Variants in MDM2 observed in about 807,000 individuals in gnomAD.
The protein encoded by MDM2 is E3 ubiquitin-protein ligase Mdm2.
A neutral mutation model predicts 64.3 loss-of-function variants in MDM2; 11 were observed. That is an observed-to-expected ratio of 0.17 (90% CI 0.11 to 0.28). The LOEUF (loss-of-function observed/expected upper bound fraction) is 0.28. Ranked by LOEUF, MDM2 falls within the 10% of genes least tolerant of loss-of-function variation. MDM2 has a pLI of 1.00. For missense variants in MDM2, 388 were observed against 577.1 expected (o/e 0.67, Z 3.36); for synonymous variants, 194 against 192.9 (o/e 1.01, Z -0.05).
At chr12:68,838,130 A>C (rs1030741813) in intron 10 of MDM2, among the ~76,000 whole-genome samples, 4 of 150,928 alleles carry the variant, frequency 2.7e-5, no homozygotes, top group African/African-American at 9.8e-5. Context: ...GCTGTGAAAA[A>C]CCCCCTTCTA....
At chr12:68,848,624 C>T (rs1884490236), downstream of MDM2, 1 of 152,146 alleles carries the variant, frequency 6.6e-6, no homozygotes, top group Non-Finnish European at 1.5e-5. Flanking sequence ...AAAAATTGCT[C>T]CCTACAAAAA....
Position 68,809,269 on chromosome 12 carries a change from C to T in MDM2, c.76C>T (p.Pro26Ser). The change falls in exon 2 of 11, where the codon CCA becomes TCA. Residue 26 changes from proline (P) to serine (S), a missense_variant. Pro to Ser is a moderately conservative substitution (Grantham distance 74). This residue lies in a region of MDM2 where 46 missense variants were observed against 45.2 expected (regional missense o/e 1.02). Transcript: ENST00000258149. ...TDGAVTTSQI[P>S]ASEQETLVRP... The stretch of plus-strand genomic sequence containing the variant: ...TGGTGCTGTAACCACCTCACAGATT[C>T]CAGCTTCGGAACAAGAGACCCTGGT... 1.2e-6 allele frequency: 2 copies of T among 1,614,104 alleles called. No homozygotes were observed. The highest frequency in any genetic ancestry group is 1.6e-4 in the Middle Eastern group (1 of 6,062).
At chr12:68,836,871 C>T in intron 10 of MDM2, 122 bp downstream of exon 10, 2 of 606,022 alleles carry the variant, frequency 3.3e-6, no homozygotes, top group South Asian at 2.2e-5. Context: ...TTTGTAAAGT[C>T]TGAATAATTT....
At chr12:68,822,535 TGTA>T (rs1881946976) in intron 5 of MDM2, among the ~76,000 whole-genome samples, 1 of 152,174 alleles carries the variant, frequency 6.6e-6, no homozygotes, top group African/African-American at 2.4e-5. Flanking sequence ...AATATACAAT[TGTA>T]GTATTTGTAG....
rs1353702185 is a variant in MDM2, at chr12:68,839,311, C to G, written c.956C>G (p.Pro319Arg). The change falls in exon 11 of 11, where the codon CCC becomes CGC. Residue 319 changes from proline (P) to arginine (R), a missense_variant. Around this residue, in one of 5 missense-constraint regions of MDM2, gnomAD observed 138 missense variants for 143.7 expected, o/e 0.96. Coordinates refer to ENST00000258149, the MANE Select transcript of MDM2 (RefSeq NM_002392.6). ...TGCACTTCATGCAATGAAATGAATC[C>G]CCCCCTTCCATCACATTGCAACAGA... ...WKCTSCNEMN[P>R]PLPSHCNRCW... 6.2e-7 allele frequency: 1 copy of G among 1,613,444 alleles called. No homozygotes were observed. The highest frequency in any genetic ancestry group is 8.5e-7 in the Non-Finnish European group (1 of 1,179,836).
At chr12:68,823,274 T>A (rs973704056) in intron 5 of MDM2, among the ~76,000 whole-genome samples, 1 of 152,224 alleles carries the variant, frequency 6.6e-6, no homozygotes, top group South Asian at 2.1e-4. Flanking sequence ...AAAGGGTATT[T>A]GATGATAATT....
downstream of MDM2, chr12:68,847,528 A>G (rs1469830396): frequency 7.8e-6 from 1 of 128,702 alleles, no homozygotes; most frequent in Admixed American, 9.6e-5. Context: ...ATCTCGGCTC[A>G]CTGCAAGCTC....
chr12:68,816,890 A>G lies in MDM2; in HGVS notation c.253A>G (p.Asn85Asp). 2 of 1,613,436 alleles carry G rather than the reference A, an allele frequency of 1.2e-6. No homozygotes were observed. The highest frequency in any genetic ancestry group is 8.5e-7 in the Non-Finnish European group (1 of 1,179,790). ...GCAACAACATATTGTATATTGTTCA[A>G]ATGATCTTCTAGGAGATTTGTTTGG... ...EKQQHIVYCS[N>D]DLLGDLFGVP... Residue 85 changes from asparagine to aspartate, a missense_variant, in exon 4 of 11, where the codon AAT becomes GAT. Asn to Asp is a conservative substitution (Grantham distance 23). Around this residue, in one of 5 missense-constraint regions of MDM2, gnomAD observed 24 missense variants for 87.8 expected, o/e 0.27. Coordinates refer to ENST00000258149, the MANE Select transcript of MDM2 (RefSeq NM_002392.6).
At chr12:68,838,010 T>C (rs188231174) in intron 10 of MDM2, among the ~76,000 whole-genome samples, 57 of 152,378 alleles carry the variant, frequency 3.7e-4, no homozygotes, top group Middle Eastern at 3.4e-3. Flanking sequence ...TTTAATTTTT[T>C]AAATCTATTT....
intron 8 of MDM2, among the ~76,000 whole-genome samples, chr12:68,835,621 C>G (rs989962837): frequency 6.6e-6 from 1 of 152,128 alleles, no homozygotes; most frequent in South Asian, 2.1e-4. Context: ...AGGAAATGTG[C>G]GTGGCAACCG....
chr12:68,833,007 T>G (rs1592594213), intron 8 of MDM2, among the ~76,000 whole-genome samples: 1 of 147,398 alleles, frequency 6.8e-6, no homozygotes, highest in Admixed American at 7.0e-5. Flanking sequence ...GCACCTATAG[T>G]CCCAGCCACT....
rs2136105482 is a variant in MDM2 at position 68,809,206 on chromosome 12, A to G, written c.15-2A>G. On this transcript the variant is annotated splice_acceptor_variant, in intron 1 of 10. Transcript: ENST00000258149. LOFTEE classifies it high-confidence loss of function. ...TTCATCGTGTCTTTTTTTTCCTTGTAGGCAAATGTGCAATACCAACATGTC... is the reference window on the plus strand; with the variant it reads ...TTCATCGTGTCTTTTTTTTCCTTGTGGGCAAATGTGCAATACCAACATGTC... 2 of 1,608,628 alleles carry G rather than the reference A, an allele frequency of 1.2e-6. No homozygotes were observed. Among genetic ancestry groups the G allele is most frequent in the African/African-American group, 1.3e-5 (1 of 74,634 alleles).
chr12:68,830,546 T>C (rs565745776), intron 8 of MDM2, among the ~76,000 whole-genome samples: 2 of 151,666 alleles, frequency 1.3e-5, no homozygotes, highest in East Asian at 1.9e-4. Context: ...CTTGCCTTCA[T>C]TGGGAGATAG....
At chr12:68,846,101 C>T (rs1884275985), downstream of MDM2, 1 of 152,084 alleles carries the variant, frequency 6.6e-6, no homozygotes, top group Admixed American at 6.6e-5. Flanking sequence ...TAGGTGCTCG[C>T]CAACCACACC....
At chr12:68,823,151 G>A (rs944159053) in intron 5 of MDM2, among the ~76,000 whole-genome samples, 1 of 152,116 alleles carries the variant, frequency 6.6e-6, no homozygotes, top group Non-Finnish European at 1.5e-5. Flanking sequence ...TTAGTGTAAT[G>A]CCTTACCCAT....
At chr12:68,827,850 G>A (rs3730596) in intron 7 of MDM2, among the ~76,000 whole-genome samples, 2,227 of 152,304 alleles carry the variant, frequency 0.015, 54 homozygotes, top group African/African-American at 0.051. Context: ...GTACTGAAGA[G>A]CCGGGCTTAG....
At chr12:68,825,571 T>C (rs975757880) in intron 7 of MDM2, among the ~76,000 whole-genome samples, 9 of 152,028 alleles carry the variant, frequency 5.9e-5, no homozygotes, top group African/African-American at 2.2e-4. Flanking sequence ...GAGAATGGCA[T>C]GAACTGGGGA....
intron 9 of MDM2, 56 bp from the exon 10 acceptor site, chr12:68,836,616 C>T (rs549163249): frequency 7.8e-5 from 95 of 1,215,144 alleles, no homozygotes; most frequent in Admixed American, 5.1e-4. Flanking sequence ...ACTAGGAAGC[C>T]TTCTGATTGA....
At position 68,843,093 on chromosome 12, in the gene MDM2, GT is replaced by G. The variant is rs760108963; in HGVS notation, c.*3257del. ...GTGCCTTTTGCAATTTGTTGTGTGG[GT>G]TTTTTTTTTTTTAAAGCCACACAAT... On this transcript the variant is annotated 3_prime_UTR_variant, in exon 11 of 11. Coordinates refer to ENST00000258149, the MANE Select transcript of MDM2 (RefSeq NM_002392.6). The G allele has an allele frequency of 0.035, 6,643 of 190,204 alleles. No homozygotes were observed. The highest frequency in any genetic ancestry group is 0.079 in the East Asian group (873 of 11,028). The allele number at this position is 190,204 out of a possible 1,614,324, so 11.8% of individuals were successfully genotyped here.
Sources: gnomAD v4.1 joint callset for allele counts (sites outside exome capture counted in the v4.1 genomes callset) on GRCh38, gnomAD v4.1.1 for gene constraint, gnomAD v4.1.1 regional missense constraint, MANE v1.5 for transcripts, NCBI Gene and HGNC (gene_info 2026-07-23, HGNC 2026-07-21) for gene names.